Variants in ABTB3 observed in about 807,000 individuals in gnomAD.
ABTB3 encodes the protein ankyrin repeat and BTB domain containing 3, also known as ankyrin repeat- and BTB/POZ domain-containing protein 3.
the ABTB3 span, among the ~76,000 whole-genome samples, chr12:107,396,908 T>G: frequency 6.6e-6 from 1 of 152,242 alleles, no homozygotes; most frequent in Non-Finnish European, 1.5e-5. Flanking sequence ...TGATTTCTTG[T>G]GTGTTTCATT....
chr12:107,357,149 A>G, the ABTB3 span, among the ~76,000 whole-genome samples: 6 of 152,184 alleles, frequency 3.9e-5, no homozygotes, highest in Admixed American at 1.3e-4. Flanking sequence ...CCAGCATATT[A>G]TGGACACATT....
the ABTB3 span, among the ~76,000 whole-genome samples, chr12:107,505,169 C>T: frequency 1.3e-5 from 2 of 152,158 alleles, no homozygotes; most frequent in African/African-American, 4.8e-5. Flanking sequence ...TCACCTTCCT[C>T]TTCCCTTTCT....
At chr12:107,658,312 T>C in the ABTB3 span, 1 of 152,808 alleles carries the variant, frequency 6.5e-6, no homozygotes, top group East Asian at 1.9e-4. Context: ...TGTTTAGGGA[T>C]CTGTGTTTGA....
chr12:107,380,226 A>T, the ABTB3 span, among the ~76,000 whole-genome samples: 2 of 152,158 alleles, frequency 1.3e-5, no homozygotes, highest in Non-Finnish European at 2.9e-5. Context: ...ACCGAAGATT[A>T]TGGAAGATTG....
At chr12:107,418,917 T>C in the ABTB3 span, among the ~76,000 whole-genome samples, 13 of 152,184 alleles carry the variant, frequency 8.5e-5, no homozygotes, top group African/African-American at 2.9e-4. Context: ...CCTACCCCCA[T>C]GAAAGTCCAG....
chr12:107,393,619 T>C, the ABTB3 span, among the ~76,000 whole-genome samples: 1 of 152,130 alleles, frequency 6.6e-6, no homozygotes, highest in Non-Finnish European at 1.5e-5. Flanking sequence ...TAGTAGGCTC[T>C]CAGTAAATGT....
the ABTB3 span, among the ~76,000 whole-genome samples, chr12:107,529,043 T>C: frequency 6.6e-6 from 1 of 150,920 alleles, no homozygotes; most frequent in African/African-American, 2.4e-5. Flanking sequence ...GTGATGATGA[T>C]GATGGAGATG....
chr12:107,525,078 C>T, the ABTB3 span, among the ~76,000 whole-genome samples: 2 of 152,060 alleles, frequency 1.3e-5, no homozygotes, highest in African/African-American at 4.8e-5. Flanking sequence ...GTAATCCCAG[C>T]ACTTTGGGAG....
chr12:107,455,256 A>G, the ABTB3 span, among the ~76,000 whole-genome samples: 1 of 152,210 alleles, frequency 6.6e-6, no homozygotes, highest in Non-Finnish European at 1.5e-5. Context: ...ACTTAACTGT[A>G]TGATCTTAGG....
At chr12:107,647,150 C>T in the ABTB3 span, among the ~76,000 whole-genome samples, 1 of 151,972 alleles carries the variant, frequency 6.6e-6, no homozygotes, top group South Asian at 2.1e-4. Context: ...GGCAACATAG[C>T]GAAATCCCGT....
At chr12:107,547,229 AG>A in the ABTB3 span, among the ~76,000 whole-genome samples, 1 of 138,872 alleles carries the variant, frequency 7.2e-6, no homozygotes, top group African/African-American at 2.7e-5. Context: ...GGGGAGGGGG[AG>A]GGGGAGGAAG....
the ABTB3 span, among the ~76,000 whole-genome samples, chr12:107,339,135 C>G: frequency 6.6e-6 from 1 of 152,232 alleles, no homozygotes; most frequent in Non-Finnish European, 1.5e-5. Flanking sequence ...ACCCCTTAGT[C>G]AACATCCCAC....
the ABTB3 span, among the ~76,000 whole-genome samples, chr12:107,597,132 C>A: frequency 6.6e-6 from 1 of 152,208 alleles, no homozygotes; most frequent in African/African-American, 2.4e-5. Context: ...AACCTCTACT[C>A]TCCTAGATAT....
chr12:107,529,896 T>G, the ABTB3 span, among the ~76,000 whole-genome samples: 1 of 152,146 alleles, frequency 6.6e-6, no homozygotes, highest in African/African-American at 2.4e-5. Flanking sequence ...AGTAGATGTG[T>G]GGATAATTTA....
At chr12:107,601,596 A>G in the ABTB3 span, among the ~76,000 whole-genome samples, 7 of 152,250 alleles carry the variant, frequency 4.6e-5, no homozygotes, top group East Asian at 9.7e-4. Flanking sequence ...ATCACTAAGA[A>G]CTGGGCCATG....
chr12:107,532,518 T>C, the ABTB3 span, among the ~76,000 whole-genome samples: 1 of 152,314 alleles, frequency 6.6e-6, no homozygotes, highest in East Asian at 1.9e-4. Flanking sequence ...ACTAACACTA[T>C]AGATACATCT....
At chr12:107,605,442 A>T in the ABTB3 span, among the ~76,000 whole-genome samples, 2 of 152,212 alleles carry the variant, frequency 1.3e-5, no homozygotes, top group Non-Finnish European at 2.9e-5. Flanking sequence ...GAGCCAGGGG[A>T]AGGACCTTCC....
chr12:107,328,192 C>A, the ABTB3 span, among the ~76,000 whole-genome samples: 1 of 152,214 alleles, frequency 6.6e-6, no homozygotes, highest in Admixed American at 6.5e-5. Context: ...CTATTATTAT[C>A]CCCATTTTAC....
At chr12:107,644,263 C>T in the ABTB3 span, among the ~76,000 whole-genome samples, 299 of 152,310 alleles carry the variant, frequency 2.0e-3, 1 homozygote, top group African/African-American at 6.6e-3. Context: ...ACATCTTGAG[C>T]ACTGTGTGTA....
Sources: allele counts gnomAD v4.1 joint callset (sites outside exome capture counted in the v4.1 genomes callset), GRCh38; gene constraint gnomAD v4.1.1; transcripts MANE v1.5; gene names NCBI Gene and HGNC (gene_info 2026-07-23, HGNC 2026-07-21).